Variants in CSMD1 observed in about 807,000 individuals in gnomAD.
CSMD1 encodes CUB and sushi domain-containing protein 1.
In CSMD1, 213 loss-of-function variants were observed where a neutral mutation model predicts 417.5. That is an observed-to-expected ratio of 0.51 (90% CI 0.46 to 0.57). The LOEUF is 0.57. Ranked by LOEUF, CSMD1 falls within the 20% of genes least tolerant of loss-of-function variation. The pLI is 0.00. For missense variants in CSMD1, 6,923 were observed against 4,529.7 expected (o/e 1.53, Z -15.17); for synonymous variants, 2,862 against 1,736.8 (o/e 1.65, Z -16.11).
chr8:4,830,644 C>G (rs775023154), intron 1 of CSMD1, among the ~76,000 whole-genome samples: 7 of 152,172 alleles, frequency 4.6e-5, no homozygotes, highest in Non-Finnish European at 7.3e-5. Flanking sequence ...TTTTTTATTG[C>G]TAAGAGGTCA....
intron 6 of CSMD1, among the ~76,000 whole-genome samples, chr8:3,722,457 C>T (rs939385472): frequency 4.6e-5 from 7 of 152,256 alleles, no homozygotes; most frequent in South Asian, 2.1e-4. Flanking sequence ...AAAGTGCTTG[C>T]CCCAACCTCA....
intron 20 of CSMD1, among the ~76,000 whole-genome samples, chr8:3,364,869 T>C (rs1809449734): frequency 6.6e-6 from 1 of 152,168 alleles, no homozygotes; most frequent in African/African-American, 2.4e-5. Context: ...ACAAACAGAC[T>C]AAGACAGTAG....
intron 1 of CSMD1, among the ~76,000 whole-genome samples, chr8:4,751,937 T>C (rs1313734260): frequency 6.6e-6 from 1 of 152,188 alleles, no homozygotes; most frequent in South Asian, 2.1e-4. Context: ...ATCCATGTAA[T>C]CTGAGAGTGG....
chr8:4,027,524 C>G (rs966757077), intron 4 of CSMD1, among the ~76,000 whole-genome samples: 2 of 152,136 alleles, frequency 1.3e-5, no homozygotes, highest in African/African-American at 4.8e-5. Context: ...TCACTCTGTA[C>G]TTCTCGCTCC....
intron 2 of CSMD1, among the ~76,000 whole-genome samples, chr8:4,555,865 C>G (rs1035687526): frequency 3.9e-4 from 60 of 151,962 alleles, no homozygotes; most frequent in African/African-American, 1.4e-3. Context: ...ATCTAAAAGA[C>G]TGAAAAGACT....
At chr8:4,054,875 G>A (rs889981362) in intron 3 of CSMD1, among the ~76,000 whole-genome samples, 21 of 152,104 alleles carry the variant, frequency 1.4e-4, no homozygotes, top group African/African-American at 4.3e-4. Context: ...AATGTTCTGT[G>A]ACATACAAAG....
At chr8:4,041,516 G>A (rs1029941588) in intron 3 of CSMD1, among the ~76,000 whole-genome samples, 9 of 152,244 alleles carry the variant, frequency 5.9e-5, no homozygotes, top group South Asian at 2.1e-4. Flanking sequence ...CCCAGTGAAA[G>A]AATGTTCAAG....
At chr8:4,918,058 CTTAT>C (rs1335510559) in intron 1 of CSMD1, among the ~76,000 whole-genome samples, 2 of 151,482 alleles carry the variant, frequency 1.3e-5, no homozygotes, top group Admixed American at 1.3e-4. Context: ...TGTTTAAAGT[CTTAT>C]TTCTCTGATT....
At chr8:4,307,945 G>T (rs980176447) in intron 3 of CSMD1, among the ~76,000 whole-genome samples, 5 of 152,176 alleles carry the variant, frequency 3.3e-5, no homozygotes, top group African/African-American at 1.2e-4. Flanking sequence ...GGTCTTCGGT[G>T]TAACAGAGGA....
chr8:4,191,464 G>C (rs1282750580), intron 3 of CSMD1, among the ~76,000 whole-genome samples: 1 of 152,026 alleles, frequency 6.6e-6, no homozygotes, highest in Non-Finnish European at 1.5e-5. Flanking sequence ...AATTGAACAA[G>C]ATAGAACTAA....
chr8:4,560,503 C>G (rs1047178676), intron 2 of CSMD1, among the ~76,000 whole-genome samples: 9 of 152,100 alleles, frequency 5.9e-5, no homozygotes, highest in African/African-American at 2.2e-4. Flanking sequence ...CTCTGACACC[C>G]AAACTTTAAC....
At chr8:4,100,617 C>A (rs768307606) in intron 3 of CSMD1, among the ~76,000 whole-genome samples, 1 of 152,034 alleles carries the variant, frequency 6.6e-6, no homozygotes, top group South Asian at 2.1e-4. Flanking sequence ...CAGTTTCCAC[C>A]GTGATAATGG....
chr8:3,900,781 G>A (rs766474011), intron 5 of CSMD1, among the ~76,000 whole-genome samples: 1 of 152,176 alleles, frequency 6.6e-6, no homozygotes, highest in African/African-American at 2.4e-5. Context: ...TGACACTGTA[G>A]CTGGGTGACA....
At chr8:4,032,880 C>T (rs1439927663) in intron 3 of CSMD1, among the ~76,000 whole-genome samples, 1 of 152,052 alleles carries the variant, frequency 6.6e-6, no homozygotes, top group Non-Finnish European at 1.5e-5. Context: ...CTAGGTCAGG[C>T]CGTGGTGGGA....
intron 5 of CSMD1, among the ~76,000 whole-genome samples, chr8:3,841,245 G>C (rs896547257): frequency 6.6e-6 from 1 of 152,100 alleles, no homozygotes; most frequent in East Asian, 1.9e-4. Context: ...ATATTGAAAA[G>C]TTTTAAATAG....
intron 1 of CSMD1, among the ~76,000 whole-genome samples, chr8:4,910,412 C>G (rs1028197188): frequency 3.3e-5 from 5 of 152,152 alleles, no homozygotes; most frequent in African/African-American, 1.2e-4. Context: ...ATTTATTTTT[C>G]ACATTCTGGA....
intron 3 of CSMD1, among the ~76,000 whole-genome samples, chr8:4,334,363 T>TC (rs1163689001): frequency 6.6e-6 from 1 of 152,126 alleles, no homozygotes; most frequent in Non-Finnish European, 1.5e-5. Flanking sequence ...CAGGTGACCC[T>TC]CCCTTAGGTG....
chr8:3,633,679 T>C (rs889603196), intron 7 of CSMD1, among the ~76,000 whole-genome samples: 6 of 152,234 alleles, frequency 3.9e-5, no homozygotes, highest in Non-Finnish European at 5.9e-5. Context: ...AAATAGTGTA[T>C]ATAAATCTGA....
At position 3,063,103 on chromosome 8, in the gene CSMD1, G is replaced by A. The variant is rs1344351804; in HGVS notation, c.7475-10456C>T. On this transcript the variant is annotated intron_variant, in intron 49 of 69. Coordinates refer to ENST00000635120, the MANE Select transcript of CSMD1 (RefSeq NM_033225.6). ...GCTCACTAAGCATTTAATCAATCTC[G>A]TATCATAAAAACTTACAGAAGGATT... is the stretch of plus-strand genomic sequence containing the variant. Among the ~76,000 whole-genome samples, 12 of 152,144 alleles carry A rather than the reference G, an allele frequency of 7.9e-5. No homozygotes were observed. In the South Asian group the frequency reaches 1.9e-3, roughly 24 times the overall value.
Sources: allele counts gnomAD v4.1 joint callset (sites outside exome capture counted in the v4.1 genomes callset), GRCh38; gene constraint gnomAD v4.1.1; transcripts MANE v1.5; gene names NCBI Gene and HGNC (gene_info 2026-07-23, HGNC 2026-07-21).